CCDC150: variants seen among roughly 807,000 people sequenced by gnomAD.
CCDC150 encodes coiled-coil domain containing 150.
A neutral mutation model predicts 156.5 loss-of-function variants in CCDC150; 151 were observed. The observed-to-expected ratio is 0.97, with a 90% CI of 0.85 to 1.10. The LOEUF (loss-of-function observed/expected upper bound fraction) is 1.10. CCDC150 is among the 50% of genes least tolerant of loss of function. The pLI is 0.00. For synonymous variants in CCDC150, 452 were observed against 429.4 expected (o/e 1.05, Z -0.65); for missense variants, 1,312 against 1,268.1 (o/e 1.03, Z -0.53).
At chr2:196,681,278 T>C (rs1312235336) in intron 13 of CCDC150, among the ~76,000 whole-genome samples, 3 of 152,208 alleles carry the variant, frequency 2.0e-5, no homozygotes, top group Non-Finnish European at 4.4e-5. Flanking sequence ...CATTGTAGTA[T>C]GTATCAGTAC....
At chr2:196,691,572 T>G (rs1260923486) in intron 13 of CCDC150, among the ~76,000 whole-genome samples, 4 of 147,076 alleles carry the variant, frequency 2.7e-5, no homozygotes, top group Middle Eastern at 6.8e-3. Context: ...TTATCATTTC[T>G]GATTGTGTTT....
chr2:196,729,634 T>C (rs1698417721), intron 23 of CCDC150, 159 bp from the exon 24 acceptor site: 1 of 675,498 alleles, frequency 1.5e-6, no homozygotes, highest in African/African-American at 1.8e-5. Context: ...TACTGGACTT[T>C]GCTCTTTTGG....
chr2:196,654,642 T>TG (rs960969043), intron 2 of CCDC150, among the ~76,000 whole-genome samples: 2 of 152,220 alleles, frequency 1.3e-5, no homozygotes, highest in African/African-American at 4.8e-5. Flanking sequence ...TGTTTGTTCT[T>TG]GCATTATTCT....
rs960942060 is a variant in CCDC150, at chr2:196,701,117, A to T, written c.1632A>T (p.Gln544His). The change falls in exon 15 of 28, where the codon CAA becomes CAT. Residue 544 changes from glutamine (Q) to histidine (H), a missense_variant. Gln to His is a conservative substitution (Grantham distance 24, BLOSUM62 0). Coordinates refer to ENST00000389175, the MANE Select transcript of CCDC150 (RefSeq NM_001080539.2). ...QVTSDYHGLA[Q>H]QKVEKITESK... ...TTTGTTTGCCTTATCAGCTTGCCCA[A>T]CAGAAGGTGGAAAAAATCACTGAAA... The T allele has an allele frequency of 6.2e-7, 1 of 1,608,620 alleles. No homozygotes were observed. Among genetic ancestry groups the T allele is most frequent in the East Asian group, 2.2e-5 (1 of 44,640 alleles).
At chr2:196,725,424 T>C (rs1347847422) in intron 21 of CCDC150, among the ~76,000 whole-genome samples, 1 of 152,178 alleles carries the variant, frequency 6.6e-6, no homozygotes, top group African/African-American at 2.4e-5. Flanking sequence ...CCTCAGAAGA[T>C]TAATCATGGG....
At chr2:196,694,998 T>C in intron 13 of CCDC150, 48 bp from the exon 14 acceptor site, 2 of 947,512 alleles carry the variant, frequency 2.1e-6, no homozygotes, top group Non-Finnish European at 3.3e-6. Flanking sequence ...GATAATACTT[T>C]TTGCATCTGG....
chr2:196,682,688 T>C (rs1694910995), intron 13 of CCDC150, among the ~76,000 whole-genome samples: 3 of 152,092 alleles, frequency 2.0e-5, no homozygotes, highest in Non-Finnish European at 4.4e-5. Context: ...AATAACATCA[T>C]TTCATTCAGT....
At chr2:196,682,260 T>G (rs1694881408) in intron 13 of CCDC150, among the ~76,000 whole-genome samples, 1 of 152,132 alleles carries the variant, frequency 6.6e-6, no homozygotes, top group Non-Finnish European at 1.5e-5. Flanking sequence ...CAAAAATCAA[T>G]TAATCATAGA....
intron 1 of CCDC150, among the ~76,000 whole-genome samples, chr2:196,644,482 G>A (rs1413639752): frequency 3.9e-5 from 6 of 152,108 alleles, no homozygotes; most frequent in African/African-American, 1.4e-4. Flanking sequence ...CTTACTCAGA[G>A]GCTCTTTCGT....
intron 15 of CCDC150, among the ~76,000 whole-genome samples, chr2:196,703,760 T>C (rs1041970830): frequency 6.6e-6 from 1 of 152,184 alleles, no homozygotes; most frequent in Non-Finnish European, 1.5e-5. Flanking sequence ...ATTTTATAAT[T>C]TATGGATGGG....
chr2:196,694,431 A>G (rs78471042), intron 13 of CCDC150, among the ~76,000 whole-genome samples: 1,746 of 152,288 alleles, frequency 0.011, 14 homozygotes, highest in Admixed American at 0.018. Flanking sequence ...ACTTATAGTA[A>G]AGGGGAACTA....
chr2:196,642,018 T>A (rs1200324085), intron 1 of CCDC150, among the ~76,000 whole-genome samples: 1 of 152,228 alleles, frequency 6.6e-6, no homozygotes, highest in Non-Finnish European at 1.5e-5. Context: ...AGAAGCTCTT[T>A]GGAAATATTC....
intron 15 of CCDC150, among the ~76,000 whole-genome samples, chr2:196,710,584 G>T (rs1057233789): frequency 6.6e-6 from 1 of 152,132 alleles, no homozygotes; most frequent in African/African-American, 2.4e-5. Flanking sequence ...CTTCTGTGTC[G>T]GGCACGCTGG....
chr2:196,667,393 G>A (rs1367338823), intron 7 of CCDC150: 1 of 158,990 alleles, frequency 6.3e-6, no homozygotes, highest in Non-Finnish European at 1.4e-5. Context: ...AAAGGAAGGA[G>A]CCTAGACTTG....
intron 13 of CCDC150, among the ~76,000 whole-genome samples, chr2:196,684,330 A>T (rs1461200456): frequency 6.6e-6 from 1 of 152,120 alleles, no homozygotes; most frequent in Non-Finnish European, 1.5e-5. Flanking sequence ...TAGAAGTGAC[A>T]TGTTTAGTTT....
intron 13 of CCDC150, among the ~76,000 whole-genome samples, chr2:196,688,884 C>T (rs1413287507): frequency 3.3e-5 from 5 of 151,568 alleles, no homozygotes; most frequent in Admixed American, 6.6e-5. Context: ...TTAGGTCTAA[C>T]ATTTAAGTCT....
At chr2:196,669,485 C>T (rs1467146586) in intron 7 of CCDC150, among the ~76,000 whole-genome samples, 1 of 152,136 alleles carries the variant, frequency 6.6e-6, no homozygotes, top group Non-Finnish European at 1.5e-5. Flanking sequence ...ATCGTCATTA[C>T]TTTATTGAAT....
chr2:196,686,237 G>A, intron 13 of CCDC150: 1 of 281,272 alleles, frequency 3.6e-6, no homozygotes, highest in East Asian at 1.0e-4. Context: ...ACTTCTCCTG[G>A]GAATTTACTT....
intron 1 of CCDC150, among the ~76,000 whole-genome samples, chr2:196,642,170 C>T (rs1692269104): frequency 6.6e-6 from 1 of 152,176 alleles, no homozygotes; most frequent in Non-Finnish European, 1.5e-5. Context: ...GACTTAGGTT[C>T]AAGGCAGCAA....
Sources: allele counts gnomAD v4.1 joint callset (sites outside exome capture counted in the v4.1 genomes callset), GRCh38; gene constraint gnomAD v4.1.1; transcripts MANE v1.5; gene names NCBI Gene and HGNC (gene_info 2026-07-23, HGNC 2026-07-21).